RFX1: variants seen among roughly 807,000 people sequenced by gnomAD.
RFX1 encodes regulatory factor X1.
A neutral mutation model predicts 119.6 loss-of-function variants in RFX1; 42 were observed. The observed-to-expected ratio is 0.35, with a 90% CI of 0.27 to 0.45. RFX1 has a LOEUF of 0.45. Ranked by LOEUF, RFX1 falls within the 20% of genes least tolerant of loss-of-function variation. RFX1 has a pLI of 1.00. For missense variants in RFX1, 1,118 were observed against 1,368.1 expected (o/e 0.82, Z 2.88); for synonymous variants, 628 against 618.5 (o/e 1.02, Z -0.23).
At chr19:13,976,979 G>T (rs1974270326) in intron 8 of RFX1, among the ~76,000 whole-genome samples, 1 of 150,834 alleles carries the variant, frequency 6.6e-6, no homozygotes, top group Non-Finnish European at 1.5e-5. Flanking sequence ...CTGGGCGACA[G>T]AGTGAGACCC....
At position 13,969,928 on chromosome 19, in the gene RFX1, T is replaced by TGGGGGGGGGGGGGGG; in HGVS notation, c.1496+65_1496+66insCCCCCCCCCCCCCCC. ...CTGGACTGCCTGAGATGACTCGGAG[T>TGGGGGGGGGGGGGGG]GGGGGTGGGCCTTGGCATGCCCACC... is the stretch of plus-strand genomic sequence containing the variant. On this transcript the variant is annotated intron_variant, in intron 10 of 20. Coordinates refer to ENST00000254325, the MANE Select transcript of RFX1 (RefSeq NM_002918.5). This position sits in a 1 kb window ranked among gnomAD's most constrained non-coding sequence, Gnocchi z 4.5. 6.7e-7 allele frequency: 1 copy of TGGGGGGGGGGGGGGG among 1,488,614 alleles called. No individual in the cohort carries two copies. Among genetic ancestry groups the TGGGGGGGGGGGGGGG allele is most frequent in the Non-Finnish European group, 9.1e-7 (1 of 1,102,184 alleles). 92.2% of individuals were successfully genotyped at this position (1,488,614 alleles called of 1,614,324 possible). A position where few individuals can be genotyped will look rare whatever the true frequency, so the allele number is the denominator to read the frequency against.
At position 13,980,756 on chromosome 19, in the gene RFX1, A is replaced by AT; in HGVS notation, c.622-68_622-67insA. The AT allele has an allele frequency of 7.9e-5, 74 of 933,524 alleles. No homozygotes were observed. Among genetic ancestry groups the AT allele is most frequent in the Non-Finnish European group, 1.0e-4 (64 of 611,830 alleles). The allele number at this position is 933,524 out of a possible 1,614,324, so 57.8% of individuals were successfully genotyped here. On this transcript the variant is annotated intron_variant, in intron 5 of 20. Transcript: ENST00000254325. The surrounding 1 kb of genome is among the most constrained non-coding windows in gnomAD (Gnocchi z 5.1). The stretch of plus-strand genomic sequence containing the variant: ...TGCATCCTCTCTGAGGTGGGCTCAC[A>AT]CACACACCCTTCTCAGGAGAGCTGT...
intron 2 of RFX1, among the ~76,000 whole-genome samples, chr19:13,984,057 T>C (rs1373644067): frequency 6.6e-6 from 1 of 152,064 alleles, no homozygotes; most frequent in Non-Finnish European, 1.5e-5. Flanking sequence ...GAGTGGTCCC[T>C]GGAAGGTCTT....
Position 13,963,248 on chromosome 19 carries a change from C to G in RFX1, c.2598G>C (p.Leu866=). 1 of 1,611,764 alleles carries G rather than the reference C, an allele frequency of 6.2e-7. No individual in the cohort carries two copies. The highest frequency in any genetic ancestry group is 1.3e-5 in the African/African-American group (1 of 74,990). ...YSSMVIRDLT[L]RSAASFGSFH... is the part of the protein sequence containing the mutation. The stretch of plus-strand genomic sequence containing the variant: ...AGGAACCGAAGCTGGCGGCGCTGCG[C>G]AGGGTCAGGTCCCGGATCACCATGG... The change falls in exon 19 of 21, where the codon CTG becomes CTC. Residue 866 remains leucine (L), a synonymous_variant. Transcript: ENST00000254325.
intron 7 of RFX1, among the ~76,000 whole-genome samples, 167 bp from the exon 8 acceptor site, chr19:13,978,253 A>C (rs1974313936): frequency 6.6e-6 from 1 of 152,158 alleles, no homozygotes; most frequent in Non-Finnish European, 1.5e-5. Context: ...AGGGCTGGGA[A>C]TCAGGAAGAG....
rs747264257 is a variant in RFX1 at position 13,969,924 on chromosome 19, G to A, written c.1496+70C>T. ...TGGACTGGACTGCCTGAGATGACTC[G>A]GAGTGGGGGTGGGCCTTGGCATGCC... On this transcript the variant is annotated intron_variant, in intron 10 of 20. Transcript: ENST00000254325. The surrounding 1 kb of genome is among the most constrained non-coding windows in gnomAD (Gnocchi z 4.5). 12 of 1,474,952 alleles carry A rather than the reference G, an allele frequency of 8.1e-6. No homozygotes were observed. Among genetic ancestry groups the A allele is most frequent in the South Asian group, 5.2e-5 (4 of 76,450 alleles). The allele number at this position is 1,474,952 out of a possible 1,614,324, so 91.4% of individuals were successfully genotyped here. A position where few individuals can be genotyped will look rare whatever the true frequency, so the allele number is the denominator to read the frequency against.
intron 8 of RFX1, among the ~76,000 whole-genome samples, chr19:13,973,745 C>T (rs1974166707): frequency 6.6e-6 from 1 of 152,188 alleles, no homozygotes; most frequent in Non-Finnish European, 1.5e-5. Context: ...ATCCTCCTGC[C>T]TCAGCCTCCC....
At position 13,965,563 on chromosome 19, in the gene RFX1, G is replaced by A. The variant is rs751870336; in HGVS notation, c.2114-17C>T. On this transcript the variant is annotated splice_polypyrimidine_tract_variant and intron_variant, in intron 15 of 20. Coordinates refer to ENST00000254325, the MANE Select transcript of RFX1 (RefSeq NM_002918.5). The surrounding 1 kb of genome is among the most constrained non-coding windows in gnomAD (Gnocchi z 4.7). ...TCAAGGCACCTGTGGGCGGTGGCGG[G>A]GGTCGGTCAGGGCAGGGCGGGTGTA... The A allele has an allele frequency of 1.2e-6, 2 of 1,613,188 alleles. No individual in the cohort carries two copies. Among genetic ancestry groups the A allele is most frequent in the Admixed American group, 3.3e-5 (2 of 59,928 alleles).
Position 13,963,997 on chromosome 19 carries a change from G to A in RFX1, c.2222C>T (p.Ala741Val). The A allele has an allele frequency of 6.5e-7, 1 of 1,534,666 alleles. No homozygotes were observed. Among genetic ancestry groups the A allele is most frequent in the Non-Finnish European group, 8.7e-7 (1 of 1,146,178 alleles). The part of the protein sequence containing the change: ...EEMLRVKVAA[A>V]GAFAQTLRRY... Reference sequence around the variant, plus strand: ...CCGCAGTGTCTGCGCGAAGGCGCCAGCCGCGGCCACCTGCGTGCAGGGATT... The same window carrying A: ...CCGCAGTGTCTGCGCGAAGGCGCCAACCGCGGCCACCTGCGTGCAGGGATT... The change falls in exon 17 of 21, where the codon GCT becomes GTT. Residue 741 changes from alanine (A) to valine (V), a missense_variant. Physicochemically the swap from Ala to Val is moderately conservative, Grantham distance 64. Transcript: ENST00000254325.
Position 14,006,260 on chromosome 19 carries a change from G to C in RFX1, c.-210C>G, listed in dbSNP as rs1975376449. ...TGTTGTTGTTGACTCGCGTTGCCGG[G>C]TTGCTTGGTCGCCACGACTACCGTG... is the stretch of plus-strand genomic sequence containing the variant. On this transcript the variant is annotated 5_prime_UTR_variant, in exon 1 of 21. Transcript: ENST00000254325. The C allele has an allele frequency of 6.6e-6, 1 of 152,182 alleles. No homozygotes were observed. Among genetic ancestry groups the C allele is most frequent in the South Asian group, 2.1e-4 (1 of 4,832 alleles). 9.4% of individuals were successfully genotyped at this position (152,182 alleles called of 1,614,324 possible). A position where few individuals can be genotyped will look rare whatever the true frequency, so the allele number is the denominator to read the frequency against.
At chr19:13,971,014 A>G (rs1201808790) in intron 9 of RFX1, among the ~76,000 whole-genome samples, 2 of 151,598 alleles carry the variant, frequency 1.3e-5, no homozygotes, top group East Asian at 1.9e-4. Context: ...AAAAAAAATT[A>G]TATGAATTTA....
At position 13,963,661 on chromosome 19, in the gene RFX1, T is replaced by A; in HGVS notation, c.2447A>T (p.Asn816Ile). The change falls in exon 18 of 21, where the codon AAC (asparagine) becomes ATC (isoleucine). Residue 816 changes from asparagine (N) to isoleucine (I), a missense_variant. By Grantham distance (149) the Asn-to-Ile change is moderately radical. This residue lies in a region of RFX1 where 68 missense variants were observed against 67.2 expected (regional missense o/e 1.01). Transcript: ENST00000254325. ...CCAGGCCGCCCACTGCTCCAGCGAG[T>A]TCTGCTGCTGCAGCGTCACCTTGAA... ...QDFKVTLQQQ[N>I]SLEQWAAWLD... 1 of 1,603,654 alleles carries A rather than the reference T, an allele frequency of 6.2e-7. No individual in the cohort carries two copies.
rs1228228269 is a variant in RFX1, at chr19:13,962,794, G to A, written c.2841C>T (p.Gly947=). 1.5e-5 allele frequency: 23 copies of A among 1,528,102 alleles called. No homozygotes were observed. Among genetic ancestry groups the A allele is most frequent in the Non-Finnish European group, 1.9e-5 (22 of 1,142,274 alleles). The allele number at this position is 1,528,102 out of a possible 1,614,324, so 94.7% of individuals were successfully genotyped here. A position where few individuals can be genotyped will look rare whatever the true frequency, so the allele number is the denominator to read the frequency against. ...TCTCCGGGCCCAGCGCGGGTGACTC[G>A]CCGCCAGCCGCCAGTGAGATGTCCT... ...LPQDISLAAG[G]ESPALGPETL... Residue 947 remains glycine, a synonymous_variant, in exon 21 of 21, where the codon GGC becomes GGT. Coordinates refer to ENST00000254325, the MANE Select transcript of RFX1 (RefSeq NM_002918.5).
chr19:13,982,349 G>A (rs924454867), intron 4 of RFX1, 121 bp from the exon 5 acceptor site: 7 of 441,242 alleles, frequency 1.6e-5, no homozygotes, highest in Admixed American at 4.5e-5. Flanking sequence ...TCACAGAATC[G>A]CCCTGACAGC....
At chr19:13,977,011 A>C (rs1331086273) in intron 8 of RFX1, among the ~76,000 whole-genome samples, 1 of 148,800 alleles carries the variant, frequency 6.7e-6, no homozygotes, top group African/African-American at 2.5e-5. Context: ...AAACAGAAAA[A>C]AAAAGTCCAG....
Position 13,965,785 on chromosome 19 carries a change from C to A in RFX1, c.1962-8G>T, listed in dbSNP as rs769667229. The A allele has an allele frequency of 3.1e-6, 5 of 1,612,730 alleles. No individual in the cohort carries two copies. In the African/African-American group the frequency reaches 6.7e-5, roughly 22 times the overall value. ...TTCTCGGCCTCGTCATGTCTGCGGG[C>A]ACCCACCCCACCCCGGGTCACTGGG... On this transcript the variant is annotated splice_region_variant and splice_polypyrimidine_tract_variant and intron_variant, in intron 14 of 20. Transcript: ENST00000254325. The surrounding 1 kb of genome is among the most constrained non-coding windows in gnomAD (Gnocchi z 4.7).
At chr19:13,994,811 T>C (rs1296808714) in intron 1 of RFX1, among the ~76,000 whole-genome samples, 1 of 143,820 alleles carries the variant, frequency 7.0e-6, no homozygotes, top group Non-Finnish European at 1.5e-5. Context: ...ACATATATAG[T>C]ATATATATAC....
At position 13,970,096 on chromosome 19, in the gene RFX1, A is replaced by G; in HGVS notation, c.1394T>C (p.Leu465Pro). The change falls in exon 10 of 21, where the codon CTG becomes CCG. Residue 465 changes from leucine (L) to proline (P), a missense_variant. By Grantham distance (98) the Leu-to-Pro change is moderately conservative. This residue lies in a region of RFX1 where 338 missense variants were observed against 508.9 expected (regional missense o/e 0.66). Transcript: ENST00000254325. Reference protein sequence around the residue: ...PRSTLYCHYLLHCQEQKLEPV... With the variant: ...PRSTLYCHYLPHCQEQKLEPV... ...CTCCAGCTTCTGCTCCTGGCAGTGC[A>G]GTAAGTAGTGGCAGTAGAGGGTGCT... The G allele has an allele frequency of 6.2e-7, 1 of 1,614,092 alleles. No homozygotes were observed. Among genetic ancestry groups the G allele is most frequent in the Non-Finnish European group, 8.5e-7 (1 of 1,180,000 alleles).
intron 1 of RFX1, among the ~76,000 whole-genome samples, chr19:14,003,676 C>T (rs58502770): frequency 0.049 from 7,518 of 152,110 alleles, 649 homozygotes; most frequent in African/African-American, 0.17. Context: ...ATTGAAAGGA[C>T]TACCAAGGAT....
Sources: gnomAD v4.1 joint callset for allele counts (sites outside exome capture counted in the v4.1 genomes callset) on GRCh38, gnomAD v4.1.1 for gene constraint, gnomAD v4.1.1 regional missense constraint, Gnocchi (gnomAD v3.1) non-coding constraint, MANE v1.5 for transcripts, NCBI Gene and HGNC (gene_info 2026-07-23, HGNC 2026-07-21) for gene names.